Variants in XRCC5 observed in about 807,000 individuals in gnomAD.
XRCC5 encodes X-ray repair cross complementing 5.
In XRCC5, 12 loss-of-function variants were observed where a neutral mutation model predicts 95.7. The ratio of observed to expected loss-of-function variants is 0.13; its 90% CI spans 0.08 to 0.20. The LOEUF is 0.20. XRCC5 is among the 10% of genes least tolerant of loss of function. XRCC5 has a pLI of 1.00. For synonymous variants in XRCC5, 281 were observed against 290.3 expected, an observed-to-expected ratio of 0.97 and a Z score of 0.33; for missense variants, 595 against 873.9, an observed-to-expected ratio of 0.68 and a Z score of 4.02.
At chr2:216,123,357 G>A (rs1268970643) in intron 6 of XRCC5, among the ~76,000 whole-genome samples, 4 of 152,206 alleles carry the variant, frequency 2.6e-5, no homozygotes, top group Non-Finnish European at 5.9e-5. Context: ...TTGCCCACGG[G>A]ATTGCCCTAG....
chr2:216,115,623 C>T (rs930818941), intron 2 of XRCC5, among the ~76,000 whole-genome samples: 1 of 152,158 alleles, frequency 6.6e-6, no homozygotes, highest in Non-Finnish European at 1.5e-5. Context: ...ATACAGCACT[C>T]TTCCCCATCA....
intron 19 of XRCC5, among the ~76,000 whole-genome samples, chr2:216,197,465 A>AAT (rs1368097474): frequency 6.6e-6 from 1 of 151,652 alleles, no homozygotes; most frequent in Non-Finnish European, 1.5e-5. Flanking sequence ...AAAAAAAAAA[A>AAT]AAAGACAACT....
intron 14 of XRCC5, among the ~76,000 whole-genome samples, chr2:216,151,965 T>C (rs375289529): frequency 1.3e-5 from 2 of 152,190 alleles, no homozygotes; most frequent in African/African-American, 2.4e-5. Context: ...AAGGTGCATC[T>C]TATGTGGCAG....
chr2:216,134,505 G>C (rs920478756), intron 10 of XRCC5, among the ~76,000 whole-genome samples: 3 of 145,508 alleles, frequency 2.1e-5, no homozygotes, highest in Non-Finnish European at 3.0e-5. Flanking sequence ...TCGGTTCACT[G>C]TAACCCCTGC....
At chr2:216,118,970 A>AC in intron 4 of XRCC5, 73 bp from the exon 5 acceptor site, 1 of 1,523,318 alleles carries the variant, frequency 6.6e-7, no homozygotes, top group African/African-American at 1.4e-5. Context: ...CTCCTCAGTG[A>AC]CCAAGTGTAT....
At chr2:216,115,210 TGCGGAGTC>T (rs1559236194) in intron 2 of XRCC5, among the ~76,000 whole-genome samples, 1 of 152,208 alleles carries the variant, frequency 6.6e-6, no homozygotes, top group Non-Finnish European at 1.5e-5. Flanking sequence ...CCGAGATTAC[TGCGGAGTC>T]GCCACTCCGG....
intron 9 of XRCC5, 132 bp from the exon 10 acceptor site, chr2:216,132,193 G>A: frequency 1.3e-6 from 1 of 765,902 alleles, no homozygotes; most frequent in Non-Finnish European, 2.2e-6. Flanking sequence ...TTAAACTTCA[G>A]GTAATAAGGT....
At chr2:216,123,922 T>G (rs73058428) in intron 6 of XRCC5, among the ~76,000 whole-genome samples, 14,199 of 152,310 alleles carry the variant, frequency 0.093, 2,172 homozygotes, top group African/African-American at 0.32. Context: ...ATGCATTGTT[T>G]TAGCATTTCG....
intron 7 of XRCC5, 99 bp from the exon 8 acceptor site, chr2:216,127,437 C>G (rs547898900): frequency 1.1e-4 from 150 of 1,360,896 alleles, no homozygotes; most frequent in Non-Finnish European, 1.3e-4. Context: ...AGTAATTGTT[C>G]TGGATTTTTG....
At chr2:216,138,266 G>C (rs775679203) in intron 12 of XRCC5, 87 bp downstream of exon 12, 32 of 1,125,528 alleles carry the variant, frequency 2.8e-5, no homozygotes, top group African/African-American at 4.7e-5. Flanking sequence ...GTTGGGGCTA[G>C]GTATTTATAG....
intron 10 of XRCC5, among the ~76,000 whole-genome samples, chr2:216,133,113 C>A (rs1697020360): frequency 6.6e-6 from 1 of 151,956 alleles, no homozygotes; most frequent in African/African-American, 2.4e-5. Flanking sequence ...TGGAAGGTAG[C>A]TGGTTGCTGA....
At chr2:216,130,332 GAAAT>G (rs1246533452) in intron 8 of XRCC5, among the ~76,000 whole-genome samples, 1 of 146,490 alleles carries the variant, frequency 6.8e-6, no homozygotes, top group Admixed American at 6.9e-5. Flanking sequence ...AGAAATAAAA[GAAAT>G]TTAAATATAG....
chr2:216,171,257 CACAGAAAGAAGTGGCAAGTG>C, intron 16 of XRCC5, among the ~76,000 whole-genome samples: 1 of 152,294 alleles, frequency 6.6e-6, no homozygotes, highest in Middle Eastern at 3.4e-3. Context: ...AATATGCTGA[CACAGAAAGAAGTGGCAAGTG>C]TAATTTGGTA....
chr2:216,199,540 A>C (rs534867064), intron 19 of XRCC5, among the ~76,000 whole-genome samples: 1 of 152,294 alleles, frequency 6.6e-6, no homozygotes, highest in African/African-American at 2.4e-5. Flanking sequence ...ATAACCTGTC[A>C]GTTCTTCCAC....
chr2:216,179,656 A>G (rs1210899977), intron 16 of XRCC5, among the ~76,000 whole-genome samples: 1 of 152,316 alleles, frequency 6.6e-6, no homozygotes, highest in East Asian at 1.9e-4. Context: ...GAGAAGCTCA[A>G]GATGACTATG....
chr2:216,187,364 T>C (rs921497236), intron 16 of XRCC5, among the ~76,000 whole-genome samples: 1 of 152,080 alleles, frequency 6.6e-6, no homozygotes, highest in Non-Finnish European at 1.5e-5. Flanking sequence ...AAAGAATTTA[T>C]GGTAGACTGG....
intron 13 of XRCC5, among the ~76,000 whole-genome samples, chr2:216,147,817 G>T (rs560590125): frequency 7.0e-4 from 106 of 152,302 alleles, no homozygotes; most frequent in African/African-American, 2.3e-3. Flanking sequence ...CAACAGCTTT[G>T]ATTTATAAGG....
chr2:216,159,093 T>G (rs1338634587), intron 14 of XRCC5, among the ~76,000 whole-genome samples: 1 of 152,330 alleles, frequency 6.6e-6, no homozygotes, highest in Non-Finnish European at 1.5e-5. Context: ...ATGCATATTT[T>G]AAAACATTTT....
intron 16 of XRCC5, among the ~76,000 whole-genome samples, chr2:216,168,995 A>G (rs1689103300): frequency 6.6e-6 from 1 of 152,216 alleles, no homozygotes; most frequent in African/African-American, 2.4e-5. Flanking sequence ...TTAAAACAAC[A>G]TTATAGGGTC....
Sources: allele counts gnomAD v4.1 joint callset (sites outside exome capture counted in the v4.1 genomes callset), GRCh38; gene constraint gnomAD v4.1.1; transcripts MANE v1.5; gene names NCBI Gene and HGNC (gene_info 2026-07-23, HGNC 2026-07-21).